TFAP2D: variants seen among roughly 807,000 people sequenced by gnomAD.
TFAP2D encodes the protein transcription factor AP-2 delta.
A neutral mutation model predicts 43.6 loss-of-function variants in TFAP2D; 9 were observed. The observed-to-expected ratio is 0.21, with a 90% CI of 0.12 to 0.36. The LOEUF is 0.36. Ranked by LOEUF, TFAP2D falls within the 10% of genes least tolerant of loss-of-function variation. TFAP2D has a pLI of 1.00. For synonymous variants in TFAP2D, 256 were observed against 224.9 expected (o/e 1.14, Z -1.24); for missense variants, 513 against 561.4 (o/e 0.91, Z 0.87).
At chr6:50,719,198 C>A in intron 3 of TFAP2D, 48 bp downstream of exon 3, 1 of 1,576,810 alleles carries the variant, frequency 6.3e-7, no homozygotes, top group Non-Finnish European at 8.7e-7. Flanking sequence ...CTTCTCCTAT[C>A]TCTTACTTTG....
intron 5 of TFAP2D, among the ~76,000 whole-genome samples, chr6:50,729,924 C>G (rs757460489): frequency 1.5e-4 from 23 of 152,100 alleles, no homozygotes; most frequent in Non-Finnish European, 2.5e-4. Context: ...TTACCTCTTT[C>G]CTTTTTTTCT....
At chr6:50,768,449 T>C (rs1228873977) in intron 7 of TFAP2D, among the ~76,000 whole-genome samples, 8 of 151,776 alleles carry the variant, frequency 5.3e-5, no homozygotes, top group Non-Finnish European at 7.4e-5. Flanking sequence ...TCCTGCCACA[T>C]TGGCATCTCA....
chr6:50,729,613 G>A (rs559952961), intron 5 of TFAP2D, among the ~76,000 whole-genome samples: 1 of 152,278 alleles, frequency 6.6e-6, no homozygotes, highest in African/African-American at 2.4e-5. Flanking sequence ...CAGCGCTCTT[G>A]TCATTTGCAT....
intron 7 of TFAP2D, among the ~76,000 whole-genome samples, chr6:50,761,106 T>A (rs1769356122): frequency 6.6e-6 from 1 of 151,498 alleles, no homozygotes; most frequent in African/African-American, 2.4e-5. Context: ...CAGAACTGAG[T>A]GACATCAGTA....
chr6:50,726,075 A>G (rs1367201890), intron 3 of TFAP2D, among the ~76,000 whole-genome samples: 1 of 152,186 alleles, frequency 6.6e-6, no homozygotes, highest in Admixed American at 6.5e-5. Flanking sequence ...ATAAATGTCT[A>G]CTTGAGCATA....
At chr6:50,733,986 A>ATGTG (rs34213110) in intron 5 of TFAP2D, among the ~76,000 whole-genome samples, 3,806 of 141,640 alleles carry the variant, frequency 0.027, 99 homozygotes, top group African/African-American at 0.07. Context: ...CTTTCTGTGT[A>ATGTG]TGTGTGTGTG....
intron 6 of TFAP2D, among the ~76,000 whole-genome samples, chr6:50,749,409 G>A (rs1769168834): frequency 6.6e-6 from 1 of 151,574 alleles, no homozygotes; most frequent in Non-Finnish European, 1.5e-5. Context: ...TTATTTTAAT[G>A]TTTTAAAATT....
chr6:50,756,480 T>A (rs1769267587), intron 7 of TFAP2D, among the ~76,000 whole-genome samples: 1 of 152,038 alleles, frequency 6.6e-6, no homozygotes, highest in African/African-American at 2.4e-5. Context: ...ATTTGGTGCC[T>A]TGAGAACTGT....
intron 7 of TFAP2D, among the ~76,000 whole-genome samples, chr6:50,764,598 A>G (rs1021492293): frequency 6.6e-6 from 1 of 152,212 alleles, no homozygotes; most frequent in African/African-American, 2.4e-5. Flanking sequence ...ATTAAAATAA[A>G]CGTAAATAAA....
In TFAP2D at chr6:50,772,968, C is replaced by A; in HGVS notation, c.*104C>A. On this transcript the variant is annotated 3_prime_UTR_variant, in exon 8 of 8. Transcript: ENST00000008391. The stretch of plus-strand genomic sequence containing the variant: ...ATCTTCAGTGGACCAAATCTCTACC[C>A]TTCCCCAACCCTCCATAAAAAAACA... 1 of 1,024,264 alleles carries A rather than the reference C, an allele frequency of 9.8e-7. No individual in the cohort carries two copies. The highest frequency in any genetic ancestry group is 2.0e-5 in the South Asian group (1 of 49,478). 63.4% of individuals were successfully genotyped at this position (1,024,264 alleles called of 1,614,324 possible). A position where few individuals can be genotyped will look rare whatever the true frequency, so the allele number is the denominator to read the frequency against.
intron 5 of TFAP2D, among the ~76,000 whole-genome samples, chr6:50,740,793 T>C (rs1667205278): frequency 6.6e-6 from 1 of 152,216 alleles, no homozygotes; most frequent in Non-Finnish European, 1.5e-5. Context: ...GGTATATTTA[T>C]TTTTATTGTT....
Position 50,719,104 on chromosome 6 carries a change from C to T in TFAP2D, c.552C>T (p.Ala184=). 6.2e-7 allele frequency: 1 copy of T among 1,613,796 alleles called. No individual in the cohort carries two copies. The part of the protein sequence containing the change: ...GADDLQGSVE[A]QCGLVLNGQG... ...CTTTTATTAAGGGCTCTGTGGAGGC[C>T]CAGTGTGGGCTTGTTCTCAATGGCC... Residue 184 remains alanine (A), a synonymous_variant, in exon 3 of 8, where the codon GCC becomes GCT. Transcript: ENST00000008391.
intron 3 of TFAP2D, among the ~76,000 whole-genome samples, chr6:50,719,376 T>C (rs1292627114): frequency 6.6e-6 from 1 of 151,870 alleles, no homozygotes; most frequent in African/African-American, 2.4e-5. Context: ...TAGGAGATAT[T>C]TGTTGCTCCT....
intron 3 of TFAP2D, among the ~76,000 whole-genome samples, chr6:50,721,036 C>G (rs976171359): frequency 6.6e-6 from 1 of 152,162 alleles, no homozygotes; most frequent in Non-Finnish European, 1.5e-5. Context: ...TTAAGGGACA[C>G]CCTCTCACCC....
intron 7 of TFAP2D, among the ~76,000 whole-genome samples, chr6:50,760,634 A>C (rs538852727): frequency 5.3e-5 from 8 of 152,134 alleles, no homozygotes; most frequent in African/African-American, 1.9e-4. Context: ...CCATGAGATA[A>C]GATAATCTAT....
chr6:50,748,921 C>T (rs1769161963), intron 6 of TFAP2D, among the ~76,000 whole-genome samples: 1 of 151,784 alleles, frequency 6.6e-6, no homozygotes, highest in South Asian at 2.1e-4. Context: ...ATGTATGATT[C>T]ACTGAAGATC....
chr6:50,760,305 A>G (rs936780933), intron 7 of TFAP2D, among the ~76,000 whole-genome samples: 1 of 152,034 alleles, frequency 6.6e-6, no homozygotes, highest in Non-Finnish European at 1.5e-5. Flanking sequence ...GGTTGTAAGG[A>G]GACATACTGA....
chr6:50,747,897 C>A (rs1769147375), intron 6 of TFAP2D, among the ~76,000 whole-genome samples: 1 of 151,976 alleles, frequency 6.6e-6, no homozygotes, highest in South Asian at 2.1e-4. Flanking sequence ...TTTCATTAAA[C>A]ATTGTGAGAA....
At chr6:50,733,505 A>G (rs1452338084) in intron 5 of TFAP2D, among the ~76,000 whole-genome samples, 3 of 152,100 alleles carry the variant, frequency 2.0e-5, no homozygotes, top group Admixed American at 6.6e-5. Context: ...ACTCTTCTAG[A>G]GTGGAAATAA....
Sources: allele counts gnomAD v4.1 joint callset (sites outside exome capture counted in the v4.1 genomes callset), GRCh38; gene constraint gnomAD v4.1.1; transcripts MANE v1.5; gene names NCBI Gene and HGNC (gene_info 2026-07-23, HGNC 2026-07-21).